Variants in NBEA observed in about 807,000 individuals in gnomAD.
NBEA encodes the protein neurobeachin, also known as lysosomal-trafficking regulator 2.
Under a neutral mutation model 343.4 loss-of-function variants are expected in NBEA, and 44 were observed. The observed-to-expected ratio is 0.13, with a 90% CI of 0.10 to 0.16. The LOEUF (loss-of-function observed/expected upper bound fraction) is 0.16. Ranked by LOEUF, NBEA falls within the 10% of genes least tolerant of loss-of-function variation. The pLI is 1.00. For missense variants in NBEA, 2,555 were observed against 3,631.3 expected, an observed-to-expected ratio of 0.70 and a Z score of 7.62; for synonymous variants, 1,175 against 1,238.7, an observed-to-expected ratio of 0.95 and a Z score of 1.08.
intron 28 of NBEA, among the ~76,000 whole-genome samples, chr13:35,178,222 C>T (rs902014871): frequency 1.3e-5 from 2 of 151,618 alleles, no homozygotes; most frequent in Non-Finnish European, 3.0e-5. Context: ...TTTGAGCTTT[C>T]GAATAGCTCT....
intron 34 of NBEA, among the ~76,000 whole-genome samples, chr13:35,268,358 G>C (rs1301347064): frequency 4.6e-5 from 7 of 152,090 alleles, no homozygotes; most frequent in Non-Finnish European, 7.4e-5. Flanking sequence ...AGGGAGTGGG[G>C]AATGGGGAGT....
chr13:35,410,886 ACT>A (rs777609584), intron 38 of NBEA, among the ~76,000 whole-genome samples: 2 of 152,056 alleles, frequency 1.3e-5, no homozygotes, highest in African/African-American at 4.8e-5. Context: ...AAGTCAGAGG[ACT>A]CTCTGATGAA....
intron 35 of NBEA, among the ~76,000 whole-genome samples, chr13:35,296,341 A>G (rs897955344): frequency 8.6e-5 from 13 of 151,540 alleles, no homozygotes; most frequent in African/African-American, 3.2e-4. Context: ...AGATTGCACC[A>G]CTGCACTCCA....
chr13:35,366,866 A>G (rs1053349808), intron 38 of NBEA, among the ~76,000 whole-genome samples: 1 of 151,420 alleles, frequency 6.6e-6, no homozygotes, highest in Non-Finnish European at 1.5e-5. Flanking sequence ...CTTAGATTCA[A>G]CAGCCTCTGA....
intron 38 of NBEA, among the ~76,000 whole-genome samples, chr13:35,427,146 C>G (rs1259659861): frequency 2.0e-5 from 3 of 152,222 alleles, no homozygotes; most frequent in Non-Finnish European, 4.4e-5. Context: ...CAAAGTCATT[C>G]TCCATCCAGC....
chr13:35,112,156 A>G (rs2066249615), intron 13 of NBEA, among the ~76,000 whole-genome samples: 1 of 150,460 alleles, frequency 6.6e-6, no homozygotes, highest in African/African-American at 2.4e-5. Flanking sequence ...TGACCTCGTG[A>G]TACACCTGAC....
At chr13:35,270,044 G>A (rs1244580327) in intron 34 of NBEA, among the ~76,000 whole-genome samples, 2 of 152,060 alleles carry the variant, frequency 1.3e-5, no homozygotes, top group African/African-American at 2.4e-5. Context: ...GTGTCCAAAG[G>A]ATACCTCTTT....
intron 1 of NBEA, among the ~76,000 whole-genome samples, chr13:35,024,171 AT>A (rs374592643): frequency 0.014 from 2,170 of 151,736 alleles, 20 homozygotes; most frequent in Middle Eastern, 0.031. Flanking sequence ...AAAGGATGTG[AT>A]TTTTTTTTGT....
chr13:35,070,670 T>C (rs756983057), intron 9 of NBEA, 49 bp from the exon 10 acceptor site: 1 of 1,468,574 alleles, frequency 6.8e-7, no homozygotes. Context: ...GAAATAGTGA[T>C]GAAATCATTC....
intron 39 of NBEA, among the ~76,000 whole-genome samples, chr13:35,449,256 C>T (rs953307912): frequency 9.9e-5 from 15 of 152,150 alleles, no homozygotes; most frequent in Admixed American, 6.5e-4. Flanking sequence ...AAAATGTCCT[C>T]AATTTATTTG....
At position 34,989,276 on chromosome 13, in the gene NBEA, A is replaced by G. The variant is rs567665067; in HGVS notation, c.294+46162A>G. On this transcript the variant is annotated intron_variant, in intron 1 of 58. Transcript: ENST00000379939. ...TATATCTACACATATATACCCAATA[A>G]ATGTATTAGTCTGTTCTCACATTAC... 5.3e-5 allele frequency among the ~76,000 whole-genome samples: 8 copies of G among 151,090 alleles called. No individual in the cohort carries two copies. The South Asian group carries it at 1.7e-3, about 32-fold the overall frequency.
intron 17 of NBEA, among the ~76,000 whole-genome samples, chr13:35,131,898 A>C (rs1007398678): frequency 1.3e-5 from 2 of 152,190 alleles, no homozygotes; most frequent in Admixed American, 1.3e-4. Flanking sequence ...TTTGGAAGTA[A>C]AGAACGTAAC....
chr13:35,368,193 C>G (rs1289061545), intron 38 of NBEA, among the ~76,000 whole-genome samples: 2 of 151,458 alleles, frequency 1.3e-5, no homozygotes, highest in African/African-American at 4.8e-5. Flanking sequence ...TATATAGGTC[C>G]TTTCAATCTA....
intron 46 of NBEA, among the ~76,000 whole-genome samples, chr13:35,591,666 A>G (rs1414446950): frequency 6.6e-6 from 1 of 152,078 alleles, no homozygotes; most frequent in Non-Finnish European, 1.5e-5. Flanking sequence ...ACATCTGGCC[A>G]TACTAAATTT....
chr13:34,975,064 A>G (rs893948408), intron 1 of NBEA, among the ~76,000 whole-genome samples: 7 of 152,234 alleles, frequency 4.6e-5, no homozygotes, highest in African/African-American at 1.7e-4. Context: ...GGGAAAGGAG[A>G]TTAAGTAACT....
At chr13:34,960,824 A>C (rs2059638489) in intron 1 of NBEA, among the ~76,000 whole-genome samples, 1 of 152,054 alleles carries the variant, frequency 6.6e-6, no homozygotes, top group African/African-American at 2.4e-5. Context: ...CACATTTCTC[A>C]AAATGTATCT....
chr13:35,287,645 T>A (rs1316140850), intron 34 of NBEA, among the ~76,000 whole-genome samples: 4 of 152,064 alleles, frequency 2.6e-5, no homozygotes, highest in Non-Finnish European at 5.9e-5. Context: ...TAAGCTACTT[T>A]CACCAGGAAA....
At chr13:35,006,525 A>G (rs1001172457) in intron 1 of NBEA, among the ~76,000 whole-genome samples, 1 of 151,260 alleles carries the variant, frequency 6.6e-6, no homozygotes, top group East Asian at 2.0e-4. Context: ...ATTTAGATTT[A>G]TCCATGTGTT....
chr13:35,055,566 G>T (rs193104361), intron 6 of NBEA, among the ~76,000 whole-genome samples: 229 of 152,118 alleles, frequency 1.5e-3, no homozygotes, highest in African/African-American at 5.4e-3. Context: ...AGTTTATACT[G>T]TTCTTTTTCT....
Sources: allele counts gnomAD v4.1 joint callset (sites outside exome capture counted in the v4.1 genomes callset), GRCh38; gene constraint gnomAD v4.1.1; transcripts MANE v1.5; gene names NCBI Gene and HGNC (gene_info 2026-07-23, HGNC 2026-07-21).